SUMF1: variants seen among roughly 807,000 people sequenced by gnomAD.
SUMF1 encodes formylglycine-generating enzyme.
SUMF1 carries 48 observed loss-of-function variants against 47.6 expected under a neutral mutation model. That is an observed-to-expected ratio of 1.01 (90% confidence interval 0.80 to 1.28). SUMF1 has a LOEUF of 1.28. Among genes scored for constraint, SUMF1 ranks in the 50% most tolerant of loss-of-function variants. SUMF1 has a pLI of 0.00. For synonymous variants in SUMF1, 230 were observed against 192.1 expected (o/e 1.20, Z -1.63); for missense variants, 571 against 485.4 (o/e 1.18, Z -1.66).
At chr3:4,330,517 A>C (rs1275819263) in intron 8 of SUMF1, among the ~76,000 whole-genome samples, 1 of 152,194 alleles carries the variant, frequency 6.6e-6, no homozygotes, top group Non-Finnish European at 1.5e-5. Flanking sequence ...AGATCTCACG[A>C]GACTTATTCA....
intron 4 of SUMF1, 52 bp downstream of exon 4, chr3:4,420,012 T>C: frequency 6.9e-7 from 1 of 1,455,928 alleles, no homozygotes. Flanking sequence ...GAGCAAAGGG[T>C]ACCTATTTTG....
At chr3:4,114,475 A>G (rs1693378852) in intron 8 of SUMF1, among the ~76,000 whole-genome samples, 1 of 152,176 alleles carries the variant, frequency 6.6e-6, no homozygotes, top group Non-Finnish European at 1.5e-5. Context: ...TGATTTTTAG[A>G]ATCCTTAATA....
At chr3:4,184,998 C>T (rs144322788) in intron 8 of SUMF1, among the ~76,000 whole-genome samples, 100 of 152,092 alleles carry the variant, frequency 6.6e-4, no homozygotes, top group African/African-American at 1.5e-3. Context: ...TACTCCTCTC[C>T]GATTTAAAAT....
chr3:4,276,591 A>G (rs1396053485), intron 8 of SUMF1, among the ~76,000 whole-genome samples: 1 of 152,164 alleles, frequency 6.6e-6, no homozygotes, highest in East Asian at 1.9e-4. Flanking sequence ...CACATGATTT[A>G]TCAGTTCCTT....
chr3:4,175,910 G>A (rs563480203), intron 8 of SUMF1, among the ~76,000 whole-genome samples: 30 of 152,248 alleles, frequency 2.0e-4, no homozygotes, highest in Non-Finnish European at 3.1e-4. Flanking sequence ...TTCAATAGCC[G>A]ATTTGATAAA....
chr3:4,037,805 T>G (rs539250946), intron 9 of SUMF1, among the ~76,000 whole-genome samples: 1 of 152,320 alleles, frequency 6.6e-6, no homozygotes, highest in Middle Eastern at 3.4e-3. Flanking sequence ...AACTGTGATA[T>G]AGATTGAATA....
chr3:4,418,076 C>T lies in SUMF1; in HGVS notation c.659G>A (p.Trp220Ter), dbSNP rs1575197564. The T allele has an allele frequency of 1.9e-6, 3 of 1,614,074 alleles. No homozygotes were observed. Among genetic ancestry groups the T allele is most frequent in the Non-Finnish European group, 2.5e-6 (3 of 1,180,024 alleles). Residue 220 changes from tryptophan to a stop codon, truncating the protein, a stop_gained, in exon 5 of 9, where the codon TGG (tryptophan) becomes TAG (stop). Coordinates refer to ENST00000272902, the MANE Select transcript of SUMF1 (RefSeq NM_182760.4). LOFTEE classifies it high-confidence loss of function. The part of the protein sequence containing the change: ...SWNDAVAYCT[W>*]AGKRLPTEAE... ...TTCCGTGGGCAGCCGCTTCCCTGCC[C>T]AAGTGCAGTAGGCAACCGCATCATT...
chr3:4,250,215 A>C (rs1256418804), intron 8 of SUMF1, among the ~76,000 whole-genome samples: 2 of 149,494 alleles, frequency 1.3e-5, no homozygotes, highest in African/African-American at 4.9e-5. Context: ...AGAGAAAAGA[A>C]AGGAAAGAAA....
At chr3:4,446,096 ACTAT>A (rs1334926837) in intron 3 of SUMF1, among the ~76,000 whole-genome samples, 15 of 152,350 alleles carry the variant, frequency 9.8e-5, no homozygotes, top group African/African-American at 3.6e-4. Context: ...AGATGATGGA[ACTAT>A]CTCTTTATGA....
intron 8 of SUMF1, among the ~76,000 whole-genome samples, chr3:4,271,526 G>A (rs1697304911): frequency 6.6e-6 from 1 of 151,474 alleles, no homozygotes; most frequent in African/African-American, 2.4e-5. Flanking sequence ...TAGATACAGA[G>A]AGGATCTCAA....
chr3:4,400,349 G>A (rs1244206856), intron 7 of SUMF1, among the ~76,000 whole-genome samples: 1 of 152,154 alleles, frequency 6.6e-6, no homozygotes, highest in African/African-American at 2.4e-5. Flanking sequence ...CTTTGGTTCT[G>A]GCTTCCTAAG....
intron 1 of SUMF1, among the ~76,000 whole-genome samples, chr3:4,459,075 G>A (rs1271773596): frequency 1.3e-5 from 2 of 152,000 alleles, no homozygotes; most frequent in East Asian, 3.8e-4. Context: ...TTGATCAGAC[G>A]GTACAAAATT....
downstream of SUMF1, among the ~76,000 whole-genome samples, chr3:4,357,499 T>G (rs2637546): frequency 0.4 from 59,948 of 151,542 alleles, 13,999 homozygotes; most frequent in African/African-American, 0.63. Context: ...TCTCAGTAAA[T>G]ATAGTCCCTG....
At chr3:4,214,610 A>T (rs778266035) in intron 8 of SUMF1, among the ~76,000 whole-genome samples, 1 of 152,226 alleles carries the variant, frequency 6.6e-6, no homozygotes, top group East Asian at 1.9e-4. Flanking sequence ...AAATCAATGA[A>T]CCCAGGAGCT....
At chr3:4,456,303 A>G (rs576716878) in intron 1 of SUMF1, among the ~76,000 whole-genome samples, 1 of 152,276 alleles carries the variant, frequency 6.6e-6, no homozygotes, top group Admixed American at 6.5e-5. Flanking sequence ...GATTCAGAAC[A>G]AGCCAAGGAT....
chr3:4,393,821 A>G (rs1164043169), intron 7 of SUMF1, among the ~76,000 whole-genome samples: 1 of 152,020 alleles, frequency 6.6e-6, no homozygotes, highest in African/African-American at 2.4e-5. Context: ...TTCAGTTTCC[A>G]GTGGTTGGGT....
rs200553861 is a variant in SUMF1, at chr3:4,280,805, G to T, written c.1014+95525C>A. Among the ~76,000 whole-genome samples, 6 of 143,672 alleles carry T rather than the reference G, an allele frequency of 4.2e-5. No homozygotes were observed. The East Asian group carries it at 1.2e-3, about 30-fold the overall frequency. 94.3% of individuals were successfully genotyped at this position (143,672 alleles called of 152,430 possible). The stretch of plus-strand genomic sequence containing the variant: ...GGCAGTATAACTCCAATCTTCAAAT[G>T]GCATTCACCGTGTGTGTGTGTGTGT... On this transcript the variant is annotated intron_variant and NMD_transcript_variant, in intron 8 of 12. Transcript: ENST00000448413.
chr3:4,123,966 G>A (rs1012699149), intron 8 of SUMF1, among the ~76,000 whole-genome samples: 2 of 152,060 alleles, frequency 1.3e-5, no homozygotes, highest in African/African-American at 4.8e-5. Context: ...TCCTGTCTTT[G>A]CATTCATGTT....
Position 4,406,101 on chromosome 3 carries a change from T to G in SUMF1, c.954+4764A>C, listed in dbSNP as rs540003665. On this transcript the variant is annotated intron_variant, in intron 7 of 8. Coordinates refer to ENST00000272902, the MANE Select transcript of SUMF1 (RefSeq NM_182760.4). ...GGCCAGCGTTTCTCATTAACTCGGC[T>G]GATGGAAGTAAGCAATATTATAATT... Among the ~76,000 whole-genome samples, 4 of 152,112 alleles carry G rather than the reference T, an allele frequency of 2.6e-5. No individual in the cohort carries two copies. The South Asian group carries it at 8.3e-4, about 32-fold the overall frequency.
Sources: gnomAD v4.1 joint callset for allele counts (sites outside exome capture counted in the v4.1 genomes callset) on GRCh38, gnomAD v4.1.1 for gene constraint, MANE v1.5 for transcripts, NCBI Gene and HGNC (gene_info 2026-07-23, HGNC 2026-07-21) for gene names.